SELENOF: variants seen among roughly 807,000 people sequenced by gnomAD.
SELENOF encodes selenoprotein F, also known as 15 kDa selenoprotein.
Under a neutral mutation model 20.5 loss-of-function variants are expected in SELENOF, and 16 were observed. The observed-to-expected ratio is 0.78, with a 90% CI of 0.53 to 1.19. SELENOF has a LOEUF of 1.19. SELENOF is among the 50% of genes most tolerant of loss of function. The pLI is 0.00. For missense variants in SELENOF, 215 were observed against 194.2 expected (o/e 1.11, Z -0.64); for synonymous variants, 78 against 74.5 (o/e 1.05, Z -0.24).
intron 3 of SELENOF, among the ~76,000 whole-genome samples, chr1:86,878,065 CTA>C (rs1658970642): frequency 6.6e-6 from 1 of 151,886 alleles, no homozygotes; most frequent in African/African-American, 2.4e-5. Flanking sequence ...ACAAAATCTA[CTA>C]TGAGAAATTA....
chr1:86,892,733 G>A (rs956695388), intron 2 of SELENOF, among the ~76,000 whole-genome samples: 1 of 152,084 alleles, frequency 6.6e-6, no homozygotes. Context: ...TTATCTGGCT[G>A]GGCCTTAAAT....
intron 2 of SELENOF, among the ~76,000 whole-genome samples, chr1:86,882,265 AAAAAAAGAAAG>A (rs1659093747): frequency 6.7e-6 from 1 of 149,556 alleles, no homozygotes; most frequent in African/African-American, 2.5e-5. Context: ...AAAAAAAAAA[AAAAAAAGAAAG>A]AAAGAAAGAA....
At chr1:86,867,092 G>A (rs1658619819) in intron 4 of SELENOF, among the ~76,000 whole-genome samples, 1 of 152,064 alleles carries the variant, frequency 6.6e-6, no homozygotes, top group Non-Finnish European at 1.5e-5. Context: ...TGGTAATAAC[G>A]AGTAATATTC....
At chr1:86,889,080 TATA>T (rs1278768189) in intron 2 of SELENOF, among the ~76,000 whole-genome samples, 1 of 152,090 alleles carries the variant, frequency 6.6e-6, no homozygotes, top group African/African-American at 2.4e-5. Context: ...AAAATAAAGC[TATA>T]ATAATCCAAG....
At chr1:86,900,826 T>A (rs945305250) in intron 2 of SELENOF, among the ~76,000 whole-genome samples, 1 of 152,122 alleles carries the variant, frequency 6.6e-6, no homozygotes, top group Admixed American at 6.5e-5. Flanking sequence ...GGGTGAGCCA[T>A]CACACCCGAG....
intron 1 of SELENOF, chr1:86,913,771 T>C (rs1475979352): frequency 2.1e-6 from 1 of 481,732 alleles, no homozygotes; most frequent in African/African-American, 1.9e-5. Context: ...TTACAGATTG[T>C]TTTTAGCAAG....
At chr1:86,899,404 C>T (rs1489682987) in intron 2 of SELENOF, among the ~76,000 whole-genome samples, 6 of 126,258 alleles carry the variant, frequency 4.8e-5, no homozygotes, top group Non-Finnish European at 8.2e-5. Context: ...GACGGCTGGC[C>T]GGGCAGGGGG....
chr1:86,911,947 T>G (rs497421), intron 1 of SELENOF, among the ~76,000 whole-genome samples: 37,413 of 151,958 alleles, frequency 0.25, 5,447 homozygotes, highest in African/African-American at 0.4. Flanking sequence ...AATTTTTATA[T>G]TTTTACTAGA....
intron 2 of SELENOF, among the ~76,000 whole-genome samples, chr1:86,890,114 C>A (rs1179252087): frequency 6.6e-6 from 1 of 152,188 alleles, no homozygotes; most frequent in East Asian, 1.9e-4. Flanking sequence ...TTGGCCCCTG[C>A]TTACCTAATC....
At chr1:86,900,372 G>A (rs556741469) in intron 2 of SELENOF, among the ~76,000 whole-genome samples, 5 of 152,316 alleles carry the variant, frequency 3.3e-5, no homozygotes, top group Admixed American at 1.3e-4. Context: ...GATCACTCGC[G>A]GTTAGGAGCT....
intron 1 of SELENOF, among the ~76,000 whole-genome samples, chr1:86,908,847 C>A (rs1659899454): frequency 6.6e-6 from 1 of 152,156 alleles, no homozygotes; most frequent in Admixed American, 6.5e-5. Flanking sequence ...TAAGACTGTA[C>A]TAAAATATCA....
intron 2 of SELENOF, among the ~76,000 whole-genome samples, chr1:86,900,243 G>A (rs1659656880): frequency 6.6e-6 from 1 of 152,080 alleles, no homozygotes; most frequent in East Asian, 1.9e-4. Flanking sequence ...AGGCGGCTGG[G>A]AGGTGGAGGT....
intron 3 of SELENOF, among the ~76,000 whole-genome samples, chr1:86,879,331 A>C (rs1010548183): frequency 8.5e-5 from 13 of 152,184 alleles, no homozygotes; most frequent in Admixed American, 2.0e-4. Flanking sequence ...TCAGAGTAAG[A>C]AATTTTTTTC....
chr1:86,909,555 C>A (rs368709285), intron 1 of SELENOF, among the ~76,000 whole-genome samples: 4 of 152,168 alleles, frequency 2.6e-5, no homozygotes, highest in African/African-American at 9.7e-5. Context: ...ATATGAGACA[C>A]AACGAAGGGA....
intron 4 of SELENOF, among the ~76,000 whole-genome samples, chr1:86,865,416 G>T (rs1361907900): frequency 1.3e-5 from 2 of 152,070 alleles, no homozygotes; most frequent in Non-Finnish European, 2.9e-5. Flanking sequence ...AGAATAGATG[G>T]AACCTCCACA....
chr1:86,864,685 A>G (rs981702640), intron 4 of SELENOF, among the ~76,000 whole-genome samples: 3 of 148,220 alleles, frequency 2.0e-5, no homozygotes, highest in African/African-American at 7.5e-5. Flanking sequence ...TGTCCAGGCT[A>G]GAGTGCAATG....
At chr1:86,912,534 T>C (rs528787830) in intron 1 of SELENOF, among the ~76,000 whole-genome samples, 1 of 152,260 alleles carries the variant, frequency 6.6e-6, no homozygotes. Flanking sequence ...GAGAAATATG[T>C]GATGGAAGTA....
intron 1 of SELENOF, among the ~76,000 whole-genome samples, 187 bp from the exon 2 acceptor site, chr1:86,903,635 G>C (rs1031053329): frequency 2.0e-5 from 3 of 151,754 alleles, no homozygotes; most frequent in African/African-American, 4.8e-5. Flanking sequence ...TCTTGCTGTC[G>C]CCAGGCTGGA....
At chr1:86,879,111 T>C (rs1187961809) in intron 3 of SELENOF, among the ~76,000 whole-genome samples, 2 of 152,164 alleles carry the variant, frequency 1.3e-5, no homozygotes, top group African/African-American at 4.8e-5. Flanking sequence ...TAAGCTACTC[T>C]TGATTCTCAT....
Sources: gnomAD v4.1 joint callset for allele counts (sites outside exome capture counted in the v4.1 genomes callset) on GRCh38, gnomAD v4.1.1 for gene constraint, MANE v1.5 for transcripts, NCBI Gene and HGNC (gene_info 2026-07-23, HGNC 2026-07-21) for gene names.